The following FAM107B variants were observed in gnomAD, a reference collection of about 807,000 sequenced individuals.
FAM107B encodes family with sequence similarity 107 member B, also known as protein FAM107B.
In FAM107B, 21 loss-of-function variants were observed where a neutral mutation model predicts 31.5. The observed-to-expected ratio is 0.67, with a 90% CI of 0.47 to 0.96. The LOEUF (loss-of-function observed/expected upper bound fraction) is 0.96, where lower values mean the gene tolerates loss of function less well. Among genes scored for constraint, FAM107B ranks in the 40% least tolerant of loss-of-function variants. The pLI is 0.00. For missense variants in FAM107B, 452 were observed against 377.1 expected (o/e 1.20, Z -1.64); for synonymous variants, 157 against 141.5 (o/e 1.11, Z -0.78).
At chr10:14,703,885 C>T (rs1855460281) in intron 1 of FAM107B, among the ~76,000 whole-genome samples, 1 of 152,190 alleles carries the variant, frequency 6.6e-6, no homozygotes, top group Non-Finnish European at 1.5e-5. Context: ...TCCCCAGGTT[C>T]TGCAGCGACT....
Position 14,530,390 on chromosome 10 carries a change from C to T in FAM107B, c.595G>A (p.Val199Ile), listed in dbSNP as rs777242887. 19 of 1,612,630 alleles carry T rather than the reference C, an allele frequency of 1.2e-5. No homozygotes were observed. The East Asian group carries it at 4.2e-4, about 36-fold the overall frequency. Residue 199 changes from valine (V) to isoleucine (I), a missense_variant, in exon 3 of 5, where the codon GTA becomes ATA. By Grantham distance (29) the Val-to-Ile change is conservative. Coordinates refer to ENST00000181796, the MANE Select transcript of FAM107B (RefSeq NM_031453.4). ...LIRPQKLINP[V>I]KTSRNHQDLH... Reference sequence around the variant, plus strand: ...TCTTGATGGTTCCGGGAGGTTTTTACAGGATTGATCAGTTTCTGAGGCCTA... The same window carrying T: ...TCTTGATGGTTCCGGGAGGTTTTTATAGGATTGATCAGTTTCTGAGGCCTA...
intron 1 of FAM107B, among the ~76,000 whole-genome samples, chr10:14,733,888 A>AT (rs2131563110): frequency 6.6e-6 from 1 of 152,344 alleles, no homozygotes; most frequent in East Asian, 1.9e-4. Flanking sequence ...TATTAACTGC[A>AT]TAAACCCTTT....
At chr10:14,656,881 A>G (rs565312153) in intron 2 of FAM107B, among the ~76,000 whole-genome samples, 1 of 152,304 alleles carries the variant, frequency 6.6e-6, no homozygotes, top group Admixed American at 6.5e-5. Context: ...ACCTGGGCAA[A>G]CTTCTGGAAA....
chr10:14,592,853 C>T (rs1476325456), intron 2 of FAM107B, among the ~76,000 whole-genome samples: 5 of 152,220 alleles, frequency 3.3e-5, no homozygotes, highest in Admixed American at 1.3e-4. Flanking sequence ...TGAACAGAGT[C>T]CCTTGGCAAC....
intron 1 of FAM107B, among the ~76,000 whole-genome samples, chr10:14,677,603 A>G (rs981529108): frequency 6.6e-6 from 1 of 152,120 alleles, no homozygotes; most frequent in African/African-American, 2.4e-5. Context: ...CCTGGGCGAC[A>G]GAGCGAGACT....
chr10:14,564,277 G>C (rs2131199095), intron 2 of FAM107B, among the ~76,000 whole-genome samples: 1 of 152,144 alleles, frequency 6.6e-6, no homozygotes, highest in Non-Finnish European at 1.5e-5. Context: ...CTTAAAAAAA[G>C]ACTGCTCCGA....
chr10:14,585,999 G>A (rs1292414535), intron 2 of FAM107B, among the ~76,000 whole-genome samples: 2 of 152,122 alleles, frequency 1.3e-5, no homozygotes, highest in Admixed American at 1.3e-4. Context: ...GCTGACCCTG[G>A]ATCCCTCTTG....
chr10:14,751,439 G>A (rs1245738174), intron 1 of FAM107B, among the ~76,000 whole-genome samples: 3 of 152,052 alleles, frequency 2.0e-5, no homozygotes, highest in African/African-American at 7.2e-5. Flanking sequence ...AACCTAGGCT[G>A]TTCGAAGCAC....
intron 2 of FAM107B, among the ~76,000 whole-genome samples, chr10:14,600,761 T>A (rs1852367867): frequency 6.6e-6 from 1 of 152,122 alleles, no homozygotes; most frequent in South Asian, 2.1e-4. Flanking sequence ...TGCTTCAGCC[T>A]CCAGGGTAGC....
intron 1 of FAM107B, among the ~76,000 whole-genome samples, chr10:14,749,999 G>A (rs1832796010): frequency 6.6e-6 from 1 of 152,166 alleles, no homozygotes; most frequent in Non-Finnish European, 1.5e-5. Flanking sequence ...AAGAGCGAGG[G>A]GGTGGGGCCT....
chr10:14,705,197 T>A (rs1855492356), intron 1 of FAM107B, among the ~76,000 whole-genome samples: 2 of 151,762 alleles, frequency 1.3e-5, no homozygotes, highest in African/African-American at 2.4e-5. Context: ...GACCACTATT[T>A]AAAAAAAAGA....
intron 2 of FAM107B, among the ~76,000 whole-genome samples, chr10:14,635,236 C>A (rs1853468163): frequency 6.6e-6 from 1 of 151,830 alleles, no homozygotes; most frequent in Non-Finnish European, 1.5e-5. Context: ...CAGCTGGAAG[C>A]GGAAGAGGAG....
At chr10:14,748,843 C>A (rs1447478507) in intron 1 of FAM107B, among the ~76,000 whole-genome samples, 1 of 152,188 alleles carries the variant, frequency 6.6e-6, no homozygotes, top group Non-Finnish European at 1.5e-5. Flanking sequence ...AGCTTGTCAC[C>A]AAGATGTAGC....
chr10:14,739,767 G>T (rs760533710), intron 1 of FAM107B, among the ~76,000 whole-genome samples: 1 of 152,176 alleles, frequency 6.6e-6, no homozygotes, highest in South Asian at 2.1e-4. Flanking sequence ...GGAGTTGTGG[G>T]CATGTATTCC....
At position 14,521,933 on chromosome 10, in the gene FAM107B, T is replaced by G. The variant is rs200996851; in HGVS notation, c.740A>C (p.Glu247Ala). The part of the protein sequence containing the change: ...RDQVIKQKEE[E>A]AQKKKSDLEI... Reference sequence around the variant, plus strand: ...CAAGTCAGATTTCTTCTTCTGTGCTTCTTCTTCCTTCTGCTTTATTACTTG... The same window carrying G: ...CAAGTCAGATTTCTTCTTCTGTGCTGCTTCTTCCTTCTGCTTTATTACTTG... The change falls in exon 4 of 5, where the codon GAA becomes GCA. Residue 247 changes from glutamate to alanine, a missense_variant. By Grantham distance (107) the Glu-to-Ala change is moderately radical. Transcript: ENST00000181796. 52 of 1,614,226 alleles carry G rather than the reference T, an allele frequency of 3.2e-5. No individual in the cohort carries two copies. In the East Asian group the frequency reaches 6.9e-4, roughly 21 times the overall value.
At chr10:14,556,214 G>A (rs1331316757) in intron 2 of FAM107B, 1 of 288,590 alleles carries the variant, frequency 3.5e-6, no homozygotes, top group Non-Finnish European at 5.2e-6. Flanking sequence ...ACAATGACTA[G>A]CTTAAAGTGA....
intron 2 of FAM107B, among the ~76,000 whole-genome samples, chr10:14,641,693 C>T (rs1286131662): frequency 6.6e-6 from 1 of 152,176 alleles, no homozygotes; most frequent in Non-Finnish European, 1.5e-5. Context: ...TCATCTGAAC[C>T]TAATTGGGAA....
intron 2 of FAM107B, 35 bp from the exon 3 acceptor site, chr10:14,530,550 T>C (rs1396016866): frequency 6.2e-7 from 1 of 1,602,888 alleles, no homozygotes; most frequent in African/African-American, 1.3e-5. Context: ...TCATTTGCAG[T>C]TTTTGCTAAG....
At position 14,659,439 on chromosome 10, in the gene FAM107B, TCAAAA is replaced by T. The variant is rs59778625; in HGVS notation, c.469+8190_469+8194del. Reference sequence around the variant, plus strand: ...CTAGGTGAAAGAGCAAAACTCCGTCTCAAAACAAAACAAAACAAAACAAAACAAGC... The same window carrying T: ...CTAGGTGAAAGAGCAAAACTCCGTCTCAAAACAAAACAAAACAAAACAAGC... On this transcript the variant is annotated intron_variant, in intron 2 of 4. Coordinates refer to ENST00000181796, the MANE Select transcript of FAM107B (RefSeq NM_031453.4). Among the ~76,000 whole-genome samples the T allele has an allele frequency of 3.3e-3, 500 of 150,468 alleles. 13 individuals carry two copies. In the East Asian group the frequency reaches 0.044, roughly 13 times the overall value.
Sources: allele counts gnomAD v4.1 joint callset (sites outside exome capture counted in the v4.1 genomes callset), GRCh38; gene constraint gnomAD v4.1.1; transcripts MANE v1.5; gene names NCBI Gene and HGNC (gene_info 2026-07-23, HGNC 2026-07-21).